Variants in PHF11 observed in about 807,000 individuals in gnomAD.
The protein encoded by PHF11 is PHD finger protein 11, also known as BRCA1 C-terminus-associated protein.
A neutral mutation model predicts 40.5 loss-of-function variants in PHF11; 38 were observed. The observed-to-expected ratio is 0.94, with a 90% confidence interval of 0.72 to 1.23. PHF11 has a LOEUF of 1.23. Ranked by LOEUF, PHF11 falls within the 50% of genes most tolerant of loss-of-function variation. The probability of loss-of-function intolerance (pLI) is 0.00; values close to 1 mark genes in which losing one functional copy is unlikely to be tolerated. For synonymous variants in PHF11, 127 were observed against 138.2 expected (o/e 0.92, Z 0.57); for missense variants, 369 against 392.4 (o/e 0.94, Z 0.50).
At chr13:49,523,529 CT>C (rs1959202147) in intron 7 of PHF11, 1 of 421,172 alleles carries the variant, frequency 2.4e-6, no homozygotes, top group Non-Finnish European at 4.2e-6. Context: ...TGTGTCACCC[CT>C]CACACTGTGA....
At chr13:49,514,599 GA>G (rs1032691655) in intron 3 of PHF11, among the ~76,000 whole-genome samples, 190 of 150,664 alleles carry the variant, frequency 1.3e-3, no homozygotes, top group African/African-American at 4.4e-3. Context: ...TACCAAAAAA[GA>G]AAAAAAAATT....
intron 4 of PHF11, chr13:49,518,936 C>T (rs1017894343): frequency 7.3e-5 from 11 of 150,392 alleles, no homozygotes; most frequent in Non-Finnish European, 5.9e-5. Context: ...CCCGGGTTCA[C>T]GCCATTCTCC....
intron 5 of PHF11, 179 bp from the exon 6 acceptor site, chr13:49,521,864 C>A: frequency 2.5e-6 from 1 of 394,174 alleles, no homozygotes; most frequent in East Asian, 4.5e-5. Flanking sequence ...TTGCATTAAA[C>A]TTATAATATC....
chr13:49,517,618 G>A (rs1422703867), intron 3 of PHF11, among the ~76,000 whole-genome samples: 1 of 152,122 alleles, frequency 6.6e-6, no homozygotes, highest in East Asian at 1.9e-4. Flanking sequence ...ACCACTCTCC[G>A]TGGCACAGCC....
chr13:49,508,319 AATATATTACTATATTC>A (rs1226584667), intron 2 of PHF11, among the ~76,000 whole-genome samples: 1,253 of 124,504 alleles, frequency 0.01, 15 homozygotes, highest in African/African-American at 0.037. Context: ...CATTTTATAT[AATATATTACTATATTC>A]ATATATTACT....
chr13:49,507,388 C>T (rs1483787989), intron 2 of PHF11, among the ~76,000 whole-genome samples: 2 of 152,142 alleles, frequency 1.3e-5, no homozygotes, highest in East Asian at 3.8e-4. Context: ...GACTATATTA[C>T]CATTAACTGT....
intron 2 of PHF11, among the ~76,000 whole-genome samples, chr13:49,508,278 AATTATAT>A (rs1370019072): frequency 1.4e-5 from 2 of 147,170 alleles, no homozygotes; most frequent in Admixed American, 6.9e-5. Flanking sequence ...TTAATATATT[AATTATAT>A]ATTATATAAA....
chr13:49,498,547 G>C (rs1958856232), intron 1 of PHF11, among the ~76,000 whole-genome samples: 1 of 152,120 alleles, frequency 6.6e-6, no homozygotes, highest in Admixed American at 6.5e-5. Context: ...CAGTGACCTG[G>C]TACATTTCAG....
chr13:49,518,834 A>ATTTTTT (rs11402611), intron 4 of PHF11: 2 of 128,688 alleles, frequency 1.6e-5, no homozygotes, highest in African/African-American at 5.7e-5. Flanking sequence ...TTGCTAAATA[A>ATTTTTT]TTTTTTTTTT....
In PHF11 at chr13:49,513,103, T is replaced by A. The variant is rs749638364; in HGVS notation, c.261T>A (p.Leu87=). 6.2e-7 allele frequency: 1 copy of A among 1,601,034 alleles called. No homozygotes were observed. The highest frequency in any genetic ancestry group is 8.6e-7 in the Non-Finnish European group (1 of 1,168,394). ...GLVECEDQDP[L]NPDRSFDVES... ...TGGAATGTGAGGATCAGGATCCACT[T>A]AATCCTGATAGAAGTTTTGATGTGG... The change falls in exon 3 of 10, where the codon CTT becomes CTA. Residue 87 remains leucine (L), a synonymous_variant. Coordinates refer to ENST00000378319, the MANE Select transcript of PHF11 (RefSeq NM_001040443.3).
chr13:49,501,171 G>A (rs1488152043), intron 1 of PHF11, among the ~76,000 whole-genome samples: 1 of 151,804 alleles, frequency 6.6e-6, no homozygotes, highest in Non-Finnish European at 1.5e-5. Flanking sequence ...GCACCACCAC[G>A]CCTGGCTAAT....
chr13:49,518,026 AT>A lies in PHF11; in HGVS notation c.337del (p.Cys113ValfsTer12). 1 of 1,539,284 alleles carries A rather than the reference AT, an allele frequency of 6.5e-7. No individual in the cohort carries two copies. The highest frequency in any genetic ancestry group is 8.9e-7 in the Non-Finnish European group (1 of 1,125,724). ...IQRGRKLKCK[F>X]CHKRGATVGC... ...AATCTATTCTTCTGTAGAAATGCAA[AT>A]TTTGTCATAAAAGAGGAGCCACCGT... On this transcript the variant is annotated frameshift_variant, in exon 4 of 10. Transcript: ENST00000378319. LOFTEE classifies it high-confidence loss of function.
At chr13:49,521,182 A>G in intron 5 of PHF11, 6 of 1,148,240 alleles carry the variant, frequency 5.2e-6, no homozygotes, top group East Asian at 4.4e-5. Context: ...CATTCTCCCT[A>G]CGCTCACAGA....
chr13:49,511,343 T>TTTG (rs398022716), intron 2 of PHF11, among the ~76,000 whole-genome samples: 4 of 148,812 alleles, frequency 2.7e-5, no homozygotes, highest in Non-Finnish European at 4.4e-5. Context: ...TTTTTTTTTT[T>TTTG]GAGACGGAGT....
At position 49,528,617 on chromosome 13, in the gene PHF11, T is replaced by C. The variant is rs766778994; in HGVS notation, c.948T>C (p.Asn316=). The C allele has an allele frequency of 5.3e-5, 85 of 1,611,280 alleles. No individual in the cohort carries two copies. The highest frequency in any genetic ancestry group is 7.0e-5 in the Non-Finnish European group (82 of 1,177,852). Residue 316 remains asparagine, a synonymous_variant, in exon 10 of 10, where the codon AAT becomes AAC. Transcript: ENST00000378319. ...LKQTLCSFQE[N]RDLMSSSTSI... is the part of the protein sequence containing the mutation. The stretch of plus-strand genomic sequence containing the variant: ...AAACCTTGTGCTCTTTTCAAGAAAA[T>C]AGAGATCTTATGTCAAGTTCTACAT...
Position 49,528,718 on chromosome 13 carries a change from AC to A in PHF11, c.*55del. The A allele has an allele frequency of 7.6e-7, 1 of 1,318,686 alleles. No homozygotes were observed. The highest frequency in any genetic ancestry group is 1.1e-6 in the Non-Finnish European group (1 of 944,018). 81.7% of individuals were successfully genotyped at this position (1,318,686 alleles called of 1,614,324 possible). ...ATGTCAAATTGCAATCAGGCTCAAA[AC>A]CAGAGACCAGGCTGTGAAATCCACA... On this transcript the variant is annotated 3_prime_UTR_variant, in exon 10 of 10. Coordinates refer to ENST00000378319, the MANE Select transcript of PHF11 (RefSeq NM_001040443.3).
chr13:49,515,698 A>T (rs1959143472), intron 3 of PHF11, among the ~76,000 whole-genome samples: 1 of 151,850 alleles, frequency 6.6e-6, no homozygotes, highest in South Asian at 2.1e-4. Context: ...GGAGTCACCC[A>T]TCTTGTTCTC....
intron 2 of PHF11, among the ~76,000 whole-genome samples, chr13:49,511,080 A>G (rs993158062): frequency 2.0e-5 from 3 of 152,070 alleles, no homozygotes; most frequent in African/African-American, 7.2e-5. Flanking sequence ...CCTTTGTGTC[A>G]CTTCCTTTGC....
At chr13:49,498,184 C>T (rs993434515) in intron 1 of PHF11, among the ~76,000 whole-genome samples, 1 of 152,182 alleles carries the variant, frequency 6.6e-6, no homozygotes, top group Admixed American at 6.5e-5. Context: ...ATAGTAGGTA[C>T]TCATTAAATA....
Sources: allele counts gnomAD v4.1 joint callset (sites outside exome capture counted in the v4.1 genomes callset), GRCh38; gene constraint gnomAD v4.1.1; transcripts MANE v1.5; gene names NCBI Gene and HGNC (gene_info 2026-07-23, HGNC 2026-07-21).